The following SNX3 variants were observed in gnomAD, a reference collection of about 807,000 sequenced individuals.
SNX3 encodes sorting nexin 3.
SNX3 carries 5 observed loss-of-function variants against 17.7 expected under a neutral mutation model. That is an observed-to-expected ratio of 0.28 (90% CI 0.15 to 0.59). The LOEUF (loss-of-function observed/expected upper bound fraction) is 0.59. SNX3 is among the 20% of genes least tolerant of loss of function. The pLI, the probability that SNX3 is intolerant of heterozygous loss-of-function variation, is 0.88. For missense variants in SNX3, 132 were observed against 206.8 expected, an observed-to-expected ratio of 0.64 and a Z score of 2.22; for synonymous variants, 91 against 76.5, an observed-to-expected ratio of 1.19 and a Z score of -0.99.
At position 108,260,964 on chromosome 6, in the gene SNX3, C is replaced by T. The variant is rs1349968288; in HGVS notation, c.-43G>A. 1 of 1,473,126 alleles carries T rather than the reference C, an allele frequency of 6.8e-7. No individual in the cohort carries two copies. Among genetic ancestry groups the T allele is most frequent in the South Asian group, 1.4e-5 (1 of 72,836 alleles). 91.3% of individuals were successfully genotyped at this position (1,473,126 alleles called of 1,614,324 possible). On this transcript the variant is annotated 5_prime_UTR_variant, in exon 1 of 4. Transcript: ENST00000230085. ...CGCCGCCGCGGGCTCCCTCCGCCCC[C>T]TCCGCGTTCAGCCGCCGCCGCCGCC...
At chr6:108,213,204 G>C (rs979659607) in intron 3 of SNX3, among the ~76,000 whole-genome samples, 4 of 151,946 alleles carry the variant, frequency 2.6e-5, no homozygotes, top group African/African-American at 9.7e-5. Context: ...CTATTTTAAA[G>C]AGGAGAAGAT....
intron 2 of SNX3, among the ~76,000 whole-genome samples, chr6:108,217,420 A>C (rs934551091): frequency 2.6e-5 from 4 of 152,146 alleles, no homozygotes; most frequent in African/African-American, 9.7e-5. Context: ...CTTCTACATC[A>C]AATTATTTTT....
At chr6:108,219,736 C>T (rs1016582070) in intron 2 of SNX3, among the ~76,000 whole-genome samples, 1 of 152,208 alleles carries the variant, frequency 6.6e-6, no homozygotes, top group Middle Eastern at 3.2e-3. Context: ...AATGACAATG[C>T]TATTTTTGTT....
At chr6:108,235,068 G>C (rs1264528938) in intron 1 of SNX3, among the ~76,000 whole-genome samples, 5 of 152,218 alleles carry the variant, frequency 3.3e-5, no homozygotes, top group Non-Finnish European at 7.3e-5. Flanking sequence ...TACTTTGGTA[G>C]CCTACAACAA....
chr6:108,228,993 C>T (rs985821863), intron 1 of SNX3, among the ~76,000 whole-genome samples: 1 of 152,124 alleles, frequency 6.6e-6, no homozygotes, highest in Non-Finnish European at 1.5e-5. Context: ...GGTGCGGTGG[C>T]TTATGCCTAT....
chr6:108,237,021 C>A (rs897943010), intron 1 of SNX3, among the ~76,000 whole-genome samples: 1 of 152,160 alleles, frequency 6.6e-6, no homozygotes, highest in African/African-American at 2.4e-5. Context: ...ACATAAAAAT[C>A]TTTTTATTAG....
At chr6:108,252,574 T>A (rs1450138420) in intron 1 of SNX3, 1 of 152,192 alleles carries the variant, frequency 6.6e-6, no homozygotes, top group Non-Finnish European at 1.5e-5. Flanking sequence ...TATTTAAATA[T>A]CTGCATTTCC....
Position 108,211,931 on chromosome 6 carries a change from G to A in SNX3, c.*218C>T. 2.3e-6 allele frequency: 1 copy of A among 441,108 alleles called. No individual in the cohort carries two copies. Among genetic ancestry groups the A allele is most frequent in the Non-Finnish European group, 4.0e-6 (1 of 248,726 alleles). The allele number at this position is 441,108 out of a possible 1,614,324, so 27.3% of individuals were successfully genotyped here. The stretch of plus-strand genomic sequence containing the variant: ...AGTGTGCACCACATTAAAACAGCAA[G>A]AAAGAGCTATTTATATAGAAAGGCT... On this transcript the variant is annotated 3_prime_UTR_variant, in exon 4 of 4. Coordinates refer to ENST00000230085, the MANE Select transcript of SNX3 (RefSeq NM_003795.6).
At chr6:108,212,769 C>G (rs1266141625) in intron 3 of SNX3, among the ~76,000 whole-genome samples, 1 of 152,036 alleles carries the variant, frequency 6.6e-6, no homozygotes, top group African/African-American at 2.4e-5. Context: ...ACAAATTTTT[C>G]ACTGCTTGTG....
In SNX3 at chr6:108,259,530, C is replaced by T. The variant is rs1398980017; in HGVS notation, c.162+1230G>A. ...TACAGGCATGAGCCACCGCGCCCGG[C>T]CTATGATCCACATTTTACACATCCA... On this transcript the variant is annotated intron_variant, in intron 1 of 3. Coordinates refer to ENST00000230085, the MANE Select transcript of SNX3 (RefSeq NM_003795.6). 3.9e-5 allele frequency among the ~76,000 whole-genome samples: 6 copies of T among 152,334 alleles called. No individual in the cohort carries two copies. In the East Asian group the frequency reaches 1.2e-3, roughly 29 times the overall value.
At chr6:108,252,082 T>TAAAA (rs1381655360) in intron 1 of SNX3, 3 of 103,300 alleles carry the variant, frequency 2.9e-5, no homozygotes, top group African/African-American at 1.8e-4. Flanking sequence ...AATAAATAAA[T>TAAAA]AAAACAAACA....
chr6:108,227,824 T>TG (rs532078829), intron 1 of SNX3, among the ~76,000 whole-genome samples: 154 of 152,192 alleles, frequency 1.0e-3, no homozygotes, highest in African/African-American at 3.6e-3. Flanking sequence ...GGTTTTTTTT[T>TG]TTTGTTGTTG....
chr6:108,214,251 G>C (rs1774497737), intron 3 of SNX3, among the ~76,000 whole-genome samples: 1 of 152,170 alleles, frequency 6.6e-6, no homozygotes, highest in South Asian at 2.1e-4. Flanking sequence ...AATGTAATTT[G>C]CATAAATTAA....
At chr6:108,253,929 TC>T (rs1055140008) in intron 1 of SNX3, among the ~76,000 whole-genome samples, 4 of 151,894 alleles carry the variant, frequency 2.6e-5, no homozygotes, top group African/African-American at 9.7e-5. Flanking sequence ...ATGGAGACCA[TC>T]CTGGCTAACA....
chr6:108,211,493 G>A lies in SNX3; in HGVS notation c.*656C>T, dbSNP rs1180595530. On this transcript the variant is annotated 3_prime_UTR_variant, in exon 4 of 4. Coordinates refer to ENST00000230085, the MANE Select transcript of SNX3 (RefSeq NM_003795.6). ...TAGTCACTCATAGAGAGCAAAAAAA[G>A]CTGGAGGCAACACAATCAGTGCATA... 1.3e-5 allele frequency: 2 copies of A among 152,500 alleles called. No individual in the cohort carries two copies. The highest frequency in any genetic ancestry group is 2.4e-5 in the African/African-American group (1 of 41,446). The allele number at this position is 152,500 out of a possible 1,614,324, so 9.4% of individuals were successfully genotyped here.
chr6:108,214,167 T>C (rs1483645876), intron 3 of SNX3, among the ~76,000 whole-genome samples: 2 of 152,246 alleles, frequency 1.3e-5, no homozygotes, highest in Non-Finnish European at 1.5e-5. Flanking sequence ...TAAGTTTTAT[T>C]GTTCATGCTA....
chr6:108,255,337 T>C (rs2114771387), intron 1 of SNX3, among the ~76,000 whole-genome samples: 1 of 152,316 alleles, frequency 6.6e-6, no homozygotes, highest in East Asian at 1.9e-4. Flanking sequence ...CAAAATGCCC[T>C]GATTTTTTTT....
intron 1 of SNX3, among the ~76,000 whole-genome samples, chr6:108,224,920 A>G (rs985543344): frequency 6.6e-6 from 1 of 152,188 alleles, no homozygotes; most frequent in Non-Finnish European, 1.5e-5. Flanking sequence ...TTGCCACTTC[A>G]GTCAACTTCT....
At position 108,258,578 on chromosome 6, in the gene SNX3, T is replaced by C. The variant is rs976538553; in HGVS notation, c.162+2182A>G. On this transcript the variant is annotated intron_variant, in intron 1 of 3. Coordinates refer to ENST00000230085, the MANE Select transcript of SNX3 (RefSeq NM_003795.6). ...CGGCTTGAGTAGAGTGGCCTCATCA[T>C]AGCTCTCTGCAGCCTCGACCTCCTG... 3.3e-5 allele frequency among the ~76,000 whole-genome samples: 5 copies of C among 152,178 alleles called. No homozygotes were observed. The South Asian group carries it at 6.2e-4, about 19-fold the overall frequency.
Sources: gnomAD v4.1 joint callset for allele counts (sites outside exome capture counted in the v4.1 genomes callset) on GRCh38, gnomAD v4.1.1 for gene constraint, MANE v1.5 for transcripts, NCBI Gene and HGNC (gene_info 2026-07-23, HGNC 2026-07-21) for gene names.